CDH12: variants seen among roughly 807,000 people sequenced by gnomAD.
The protein encoded by CDH12 is cadherin 12.
CDH12 carries 41 observed loss-of-function variants against 74.1 expected under a neutral mutation model. That is an observed-to-expected ratio of 0.55 (90% CI 0.43 to 0.72). The LOEUF is 0.72. CDH12 is among the 30% of genes least tolerant of loss of function. CDH12 has a pLI of 0.00. For missense variants in CDH12, 945 were observed against 977.2 expected, an observed-to-expected ratio of 0.97 and a Z score of 0.44; for synonymous variants, 399 against 355.0, an observed-to-expected ratio of 1.12 and a Z score of -1.39.
intron 10 of CDH12, among the ~76,000 whole-genome samples, chr5:21,793,471 T>C (rs1746615707): frequency 6.6e-6 from 1 of 151,738 alleles, no homozygotes; most frequent in Admixed American, 6.6e-5. Context: ...TTAATTTACA[T>C]TTTTGAATAT....
chr5:21,863,370 C>T (rs1275309718), intron 6 of CDH12, among the ~76,000 whole-genome samples: 1 of 152,044 alleles, frequency 6.6e-6, no homozygotes, highest in Non-Finnish European at 1.5e-5. Flanking sequence ...TTTGTTCACT[C>T]CTCTATAATC....
intron 1 of CDH12, among the ~76,000 whole-genome samples, chr5:22,707,293 T>C (rs1743061943): frequency 6.6e-6 from 1 of 152,216 alleles, no homozygotes; most frequent in Non-Finnish European, 1.5e-5. Context: ...ATTAAATCCG[T>C]CTTTGTAAAT....
At chr5:22,583,987 CT>C (rs986373663) in intron 1 of CDH12, among the ~76,000 whole-genome samples, 1 of 151,316 alleles carries the variant, frequency 6.6e-6, no homozygotes, top group African/African-American at 2.4e-5. Flanking sequence ...CTTTTTCCCC[CT>C]GGTTCTGCAC....
At chr5:22,234,215 C>G (rs1183632598) in intron 3 of CDH12, among the ~76,000 whole-genome samples, 2 of 151,976 alleles carry the variant, frequency 1.3e-5, no homozygotes, top group Admixed American at 6.6e-5. Context: ...ACAAAACATA[C>G]AGAGGGAGTT....
intron 1 of CDH12, among the ~76,000 whole-genome samples, chr5:22,572,739 G>A (rs1399949948): frequency 1.3e-5 from 2 of 152,060 alleles, no homozygotes; most frequent in African/African-American, 4.8e-5. Flanking sequence ...ATTTCTAAAT[G>A]AATTCTTTAC....
intron 4 of CDH12, among the ~76,000 whole-genome samples, chr5:22,176,990 A>C (rs559178041): frequency 1.3e-5 from 2 of 152,198 alleles, no homozygotes; most frequent in Admixed American, 1.3e-4. Context: ...ATTCACACAC[A>C]GGCATATGCT....
chr5:22,505,522 A>G (rs1736347311), intron 1 of CDH12, among the ~76,000 whole-genome samples, 158 bp from the exon 2 acceptor site: 1 of 152,144 alleles, frequency 6.6e-6, no homozygotes, highest in African/African-American at 2.4e-5. Flanking sequence ...ATCTTACATT[A>G]TAAGTGCATT....
At chr5:21,775,712 T>C (rs1372353735) in intron 11 of CDH12, among the ~76,000 whole-genome samples, 3 of 152,140 alleles carry the variant, frequency 2.0e-5, no homozygotes, top group African/African-American at 7.2e-5. Context: ...TGTTTAGGTC[T>C]TCAAAGTAAT....
intron 2 of CDH12, among the ~76,000 whole-genome samples, chr5:22,477,003 T>C (rs1193777784): frequency 6.6e-6 from 1 of 152,244 alleles, no homozygotes; most frequent in Admixed American, 6.5e-5. Context: ...AGGCCTTTTT[T>C]CTTGTAACTG....
At chr5:22,141,281 A>G (rs2150298049) in intron 4 of CDH12, 1 of 152,324 alleles carries the variant, frequency 6.6e-6, no homozygotes, top group East Asian at 1.9e-4. Flanking sequence ...TAAAAAAGCT[A>G]CACATTATTA....
intron 1 of CDH12, among the ~76,000 whole-genome samples, chr5:22,647,570 A>G (rs559935510): frequency 7.2e-5 from 11 of 151,824 alleles, no homozygotes; most frequent in Admixed American, 7.2e-4. Flanking sequence ...TCACAGAGAG[A>G]GAAAGCACTC....
rs187682600 is a variant in CDH12, at chr5:22,576,647, A to G, written c.-522-71283T>C. 2.9e-4 allele frequency among the ~76,000 whole-genome samples: 44 copies of G among 152,296 alleles called. No homozygotes were observed. In the East Asian group the frequency reaches 2.9e-3, roughly 10 times the overall value. On this transcript the variant is annotated intron_variant, in intron 1 of 14. Coordinates refer to ENST00000382254, the MANE Select transcript of CDH12 (RefSeq NM_004061.5). Reference sequence around the variant, plus strand: ...GCAAATTCCTGAAGGCCACATAGCCAAGAAAGTTGCAGGTATGCTACTGGG... The same window carrying G: ...GCAAATTCCTGAAGGCCACATAGCCGAGAAAGTTGCAGGTATGCTACTGGG...
At chr5:21,958,119 G>A (rs1756183696) in intron 6 of CDH12, among the ~76,000 whole-genome samples, 1 of 152,110 alleles carries the variant, frequency 6.6e-6, no homozygotes. Context: ...GCTTTGCCTG[G>A]TACTTCTCCT....
intron 3 of CDH12, among the ~76,000 whole-genome samples, chr5:22,398,790 T>C (rs867121600): frequency 5.9e-5 from 9 of 152,154 alleles, no homozygotes; most frequent in African/African-American, 1.2e-4. Flanking sequence ...CAACAGAAGA[T>C]CTTTGTACAT....
In CDH12 at chr5:22,022,621, A is replaced by T. The variant is rs75714470; in HGVS notation, c.232-47236T>A. On this transcript the variant is annotated intron_variant, in intron 5 of 14. Transcript: ENST00000382254. Reference sequence around the variant, plus strand: ...TGGATTTGATTATCTTACATTTTGAAGTAATAATATCACAGGCTGAGTATC... The same window carrying T: ...TGGATTTGATTATCTTACATTTTGATGTAATAATATCACAGGCTGAGTATC... Among the ~76,000 whole-genome samples, 634 of 152,294 alleles carry T rather than the reference A, an allele frequency of 4.2e-3. 8 individuals carry two copies. The highest frequency in any genetic ancestry group is 0.014 in the Middle Eastern group (4 of 294).
Position 22,100,652 on chromosome 5 carries a change from GAC to G in CDH12, c.-186-21792_-186-21791del, listed in dbSNP as rs150777646. The stretch of plus-strand genomic sequence containing the variant: ...TTTATCTACTATATGCCATACATTA[GAC>G]ACACACACACACACACACACACACA... On this transcript the variant is annotated intron_variant, in intron 4 of 14. Coordinates refer to ENST00000382254, the MANE Select transcript of CDH12 (RefSeq NM_004061.5). Among the ~76,000 whole-genome samples, 328 of 144,330 alleles carry G rather than the reference GAC, an allele frequency of 2.3e-3. 1 individual carries two copies. Among genetic ancestry groups the G allele is most frequent in the South Asian group, 3.8e-3 (17 of 4,444 alleles). The allele number at this position is 144,330 out of a possible 152,430, so 94.7% of individuals were successfully genotyped here.
chr5:22,023,014 C>A (rs1738088411), intron 5 of CDH12, among the ~76,000 whole-genome samples: 1 of 152,066 alleles, frequency 6.6e-6, no homozygotes, highest in Non-Finnish European at 1.5e-5. Context: ...TAAAAAATAA[C>A]AATTATCTCA....
At chr5:22,342,589 TCCTTTCTC>T (rs1270981272) in intron 3 of CDH12, among the ~76,000 whole-genome samples, 2 of 108,958 alleles carry the variant, frequency 1.8e-5, no homozygotes, top group African/African-American at 6.4e-5. Context: ...CATCCTTCCT[TCCTTTCTC>T]TCTTTCTTAC....
intron 1 of CDH12, among the ~76,000 whole-genome samples, chr5:22,681,227 G>GT (rs768337405): frequency 0.13 from 17,779 of 138,488 alleles, 1,422 homozygotes; most frequent in African/African-American, 0.21. Context: ...GGGTATTGGG[G>GT]GGTGTGTGTG....
Sources: allele counts gnomAD v4.1 joint callset (sites outside exome capture counted in the v4.1 genomes callset), GRCh38; gene constraint gnomAD v4.1.1; transcripts MANE v1.5; gene names NCBI Gene and HGNC (gene_info 2026-07-23, HGNC 2026-07-21).